The following LUZP2 variants were observed in gnomAD, a reference collection of about 807,000 sequenced individuals.
The protein encoded by LUZP2 is leucine zipper protein 2.
In LUZP2, 52 loss-of-function variants were observed where a neutral mutation model predicts 51.6. That is an observed-to-expected ratio of 1.01 (90% CI 0.81 to 1.27). The LOEUF (loss-of-function observed/expected upper bound fraction) is 1.27, where lower values mean the gene tolerates loss of function less well. Among genes scored for constraint, LUZP2 ranks in the 50% most tolerant of loss-of-function variants. The probability of loss-of-function intolerance (pLI) is 0.00; values close to 1 mark genes in which losing one functional copy is unlikely to be tolerated. For synonymous variants in LUZP2, 154 were observed against 137.3 expected (o/e 1.12, Z -0.85); for missense variants, 436 against 395.4 (o/e 1.10, Z -0.87).
intron 8 of LUZP2, among the ~76,000 whole-genome samples, chr11:24,979,140 T>C (rs958111502): frequency 2.6e-5 from 4 of 151,788 alleles, no homozygotes; most frequent in Admixed American, 2.0e-4. Flanking sequence ...ATTACAGTAC[T>C]AGGTACAATG....
At chr11:24,867,595 T>C (rs1212516611) in intron 5 of LUZP2, among the ~76,000 whole-genome samples, 1 of 152,186 alleles carries the variant, frequency 6.6e-6, no homozygotes, top group Non-Finnish European at 1.5e-5. Context: ...CATGGAGACT[T>C]ACACATGCTT....
intron 2 of LUZP2, among the ~76,000 whole-genome samples, chr11:24,730,695 C>T (rs1370308069): frequency 6.6e-6 from 1 of 151,712 alleles, no homozygotes; most frequent in Non-Finnish European, 1.5e-5. Context: ...TCGTGAAAGG[C>T]CCAGATGTGA....
Position 24,578,879 on chromosome 11 carries a change from A to G in LUZP2, c.62+81574A>G, listed in dbSNP as rs184678677. ...ACACCTCAAACCTCAGCATCATGCA[A>G]TATACCCAGGTAACAAACCTGCACA... On this transcript the variant is annotated intron_variant, in intron 1 of 11. Transcript: ENST00000336930. Among the ~76,000 whole-genome samples, 182 of 152,250 alleles carry G rather than the reference A, an allele frequency of 1.2e-3. 2 individuals are homozygous for G. The highest frequency in any genetic ancestry group is 4.1e-3 in the African/African-American group (171 of 41,578).
chr11:24,736,360 T>A (rs1421670218), intron 3 of LUZP2, among the ~76,000 whole-genome samples: 2 of 151,984 alleles, frequency 1.3e-5, no homozygotes, highest in African/African-American at 2.4e-5. Flanking sequence ...TGCTTAAAAA[T>A]TTATTATTTT....
At chr11:24,718,783 A>G (rs1486314138) in intron 1 of LUZP2, among the ~76,000 whole-genome samples, 1 of 152,188 alleles carries the variant, frequency 6.6e-6, no homozygotes, top group African/African-American at 2.4e-5. Flanking sequence ...GACTGACTTG[A>G]TGTATTTGGA....
chr11:24,705,778 A>C (rs1327662625), intron 1 of LUZP2, among the ~76,000 whole-genome samples: 1 of 152,212 alleles, frequency 6.6e-6, no homozygotes, highest in Non-Finnish European at 1.5e-5. Flanking sequence ...TACATTTTCA[A>C]GATTGGCTAT....
chr11:24,849,743 C>A (rs936242551), intron 5 of LUZP2, among the ~76,000 whole-genome samples: 2 of 152,168 alleles, frequency 1.3e-5, no homozygotes, highest in African/African-American at 4.8e-5. Context: ...CTCCCACCAA[C>A]AGTATAAAAG....
At chr11:24,999,651 C>T (rs1856620008) in intron 9 of LUZP2, among the ~76,000 whole-genome samples, 1 of 152,126 alleles carries the variant, frequency 6.6e-6, no homozygotes, top group African/African-American at 2.4e-5. Flanking sequence ...AGGTGTGAGC[C>T]TCTCTGCCCA....
intron 1 of LUZP2, among the ~76,000 whole-genome samples, chr11:24,579,164 A>G (rs988468313): frequency 6.6e-6 from 1 of 152,148 alleles, no homozygotes; most frequent in Non-Finnish European, 1.5e-5. Flanking sequence ...GAAAATACAT[A>G]TAAATGTGTT....
chr11:24,625,265 T>C (rs980336099), intron 1 of LUZP2, among the ~76,000 whole-genome samples: 2 of 151,874 alleles, frequency 1.3e-5, no homozygotes, highest in Middle Eastern at 3.4e-3. Context: ...AGAGCTAATG[T>C]ACAGAATGAT....
At chr11:24,547,355 G>A (rs1365068915) in intron 1 of LUZP2, among the ~76,000 whole-genome samples, 2 of 151,958 alleles carry the variant, frequency 1.3e-5, no homozygotes, top group Non-Finnish European at 2.9e-5. Context: ...GCATGGTACT[G>A]GTGCAAAAAC....
At chr11:24,666,820 T>C (rs1856228921) in intron 1 of LUZP2, among the ~76,000 whole-genome samples, 1 of 152,200 alleles carries the variant, frequency 6.6e-6, no homozygotes, top group African/African-American at 2.4e-5. Context: ...AGGATTGTTT[T>C]AGCCCAAAAC....
At chr11:24,524,381 G>C (rs1850730415) in intron 1 of LUZP2, among the ~76,000 whole-genome samples, 1 of 151,630 alleles carries the variant, frequency 6.6e-6, no homozygotes, top group Non-Finnish European at 1.5e-5. Context: ...AAAACATGCT[G>C]ACTACAAGAG....
At chr11:24,513,938 C>T (rs1316968720) in intron 1 of LUZP2, among the ~76,000 whole-genome samples, 1 of 152,106 alleles carries the variant, frequency 6.6e-6, no homozygotes, top group Non-Finnish European at 1.5e-5. Context: ...AAGCATGGAA[C>T]GGATTTAATG....
chr11:24,795,982 C>T (rs1849535720), intron 5 of LUZP2, among the ~76,000 whole-genome samples: 1 of 152,066 alleles, frequency 6.6e-6, no homozygotes, highest in Non-Finnish European at 1.5e-5. Context: ...GATCCGTTCC[C>T]TTCCACAGAT....
At chr11:24,918,806 C>A (rs921098824) in intron 7 of LUZP2, among the ~76,000 whole-genome samples, 2 of 143,956 alleles carry the variant, frequency 1.4e-5, no homozygotes, top group South Asian at 2.2e-4. Flanking sequence ...TCTGCCTGGT[C>A]ATTGATATAT....
At chr11:24,837,186 TA>T (rs111510924) in intron 5 of LUZP2, among the ~76,000 whole-genome samples, 15 of 151,920 alleles carry the variant, frequency 9.9e-5, no homozygotes, top group African/African-American at 3.4e-4. Context: ...CCATATTCAA[TA>T]TTTTTTATAC....
chr11:24,515,019 C>G (rs1195409121), intron 1 of LUZP2, among the ~76,000 whole-genome samples: 10 of 152,146 alleles, frequency 6.6e-5, no homozygotes, highest in Non-Finnish European at 1.5e-4. Flanking sequence ...GAAACCTCTG[C>G]TGATTTGAGC....
At chr11:24,763,158 T>G (rs762068388) in intron 4 of LUZP2, 88 bp from the exon 5 acceptor site, 30 of 643,190 alleles carry the variant, frequency 4.7e-5, no homozygotes, top group Non-Finnish European at 6.7e-5. Context: ...AATAAATAAT[T>G]TATTATTTCT....
Sources: gnomAD v4.1 joint callset for allele counts (sites outside exome capture counted in the v4.1 genomes callset) on GRCh38, gnomAD v4.1.1 for gene constraint, MANE v1.5 for transcripts, NCBI Gene and HGNC (gene_info 2026-07-23, HGNC 2026-07-21) for gene names.